Variants in PROM1 observed in about 807,000 individuals in gnomAD.
PROM1 encodes prominin 1.
A neutral mutation model predicts 116.9 loss-of-function variants in PROM1; 105 were observed. The observed-to-expected ratio is 0.90, with a 90% CI of 0.77 to 1.06. The LOEUF is 1.06. Among genes scored for constraint, PROM1 ranks in the 50% least tolerant of loss-of-function variants. The probability of loss-of-function intolerance (pLI) is 0.00; values close to 1 mark genes in which losing one functional copy is unlikely to be tolerated. For synonymous variants in PROM1, 393 were observed against 387.0 expected, an observed-to-expected ratio of 1.02 and a Z score of -0.18; for missense variants, 1,122 against 1,045.2, an observed-to-expected ratio of 1.07 and a Z score of -1.01.
intron 19 of PROM1, 79 bp from the exon 20 acceptor site, chr4:15,987,795 A>C (rs1719841529): frequency 1.7e-6 from 2 of 1,173,278 alleles, no homozygotes; most frequent in Admixed American, 3.9e-5. Flanking sequence ...CCCTTCCCAC[A>C]AGATAGCCAT....
At chr4:16,033,798 C>T (rs577466501) in intron 4 of PROM1, among the ~76,000 whole-genome samples, 1 of 151,896 alleles carries the variant, frequency 6.6e-6, no homozygotes, top group Admixed American at 6.6e-5. Context: ...AATCTACCTG[C>T]CTCAGCCTCC....
At chr4:16,041,781 AATAAATATATAT>A (rs371506521) in intron 2 of PROM1, among the ~76,000 whole-genome samples, 3,347 of 56,146 alleles carry the variant, frequency 0.06, 139 homozygotes, top group African/African-American at 0.23. Flanking sequence ...TAAATAAATA[AATAAATATATAT>A]ATATATATAT....
At chr4:15,982,887 T>C (rs1718333100) in intron 23 of PROM1, among the ~76,000 whole-genome samples, 1 of 152,094 alleles carries the variant, frequency 6.6e-6, no homozygotes, top group Non-Finnish European at 1.5e-5. Flanking sequence ...CACTCAGGCA[T>C]GAAAGACCCT....
chr4:15,971,338 T>A (rs1390823849), intron 26 of PROM1: 1 of 459,760 alleles, frequency 2.2e-6, no homozygotes. Context: ...ATATTCACAA[T>A]CTAAGGTTAA....
At chr4:16,035,010 T>C (rs1467992659) in intron 4 of PROM1, among the ~76,000 whole-genome samples, 1 of 152,262 alleles carries the variant, frequency 6.6e-6, no homozygotes, top group Non-Finnish European at 1.5e-5. Flanking sequence ...CTAGTAAATC[T>C]GGTGCATCTG....
chr4:16,076,962 A>G (rs1744079907), intron 1 of PROM1, among the ~76,000 whole-genome samples: 1 of 152,212 alleles, frequency 6.6e-6, no homozygotes, highest in African/African-American at 2.4e-5. Context: ...GAAGGCCGGA[A>G]GACCGCAGGG....
At chr4:15,989,402 C>T (rs778045753) in intron 19 of PROM1, among the ~76,000 whole-genome samples, 4 of 151,976 alleles carry the variant, frequency 2.6e-5, no homozygotes, top group Non-Finnish European at 5.9e-5. Context: ...AGACAAAGCT[C>T]GGAGAAAAAG....
chr4:15,972,450 C>T (rs1187240765), intron 26 of PROM1, among the ~76,000 whole-genome samples: 1 of 152,174 alleles, frequency 6.6e-6, no homozygotes, highest in East Asian at 1.9e-4. Context: ...GTCGAGCTTC[C>T]TCCTTTTATC....
intron 20 of PROM1, among the ~76,000 whole-genome samples, chr4:15,986,402 C>T (rs1387802458): frequency 6.6e-6 from 1 of 152,024 alleles, no homozygotes; most frequent in Admixed American, 6.6e-5. Flanking sequence ...CTGGGATTTG[C>T]ACCGAACTTT....
chr4:16,079,370 G>A (rs866830438), intron 1 of PROM1: 38 of 152,216 alleles, frequency 2.5e-4, no homozygotes, highest in African/African-American at 8.7e-4. Flanking sequence ...AACTGCAGTT[G>A]CACTTCCAGA....
Position 15,969,369 on chromosome 4 carries a change from CTGAAA to C in PROM1, c.*25-6_*25-2del, listed in dbSNP as rs1713804121. 1 of 152,036 alleles carries C rather than the reference CTGAAA, an allele frequency of 6.6e-6. No individual in the cohort carries two copies. Among genetic ancestry groups the C allele is most frequent in the African/African-American group, 2.4e-5 (1 of 41,340 alleles). 9.4% of individuals were successfully genotyped at this position (152,036 alleles called of 1,614,324 possible). A position where few individuals can be genotyped will look rare whatever the true frequency, so the allele number is the denominator to read the frequency against. Reference sequence around the variant, plus strand: ...CCTTTCCACTTTGAGTATCCTGATGCTGAAATGAAAGTTAAACACAATTTTAGAAA... The same window carrying C: ...CCTTTCCACTTTGAGTATCCTGATGCTGAAAGTTAAACACAATTTTAGAAA... On this transcript the variant is annotated splice_acceptor_variant and splice_polypyrimidine_tract_variant and intron_variant, in intron 27 of 27. Transcript: ENST00000447510. LOFTEE classifies it low-confidence loss of function (3UTR_SPLICE).
intron 11 of PROM1, among the ~76,000 whole-genome samples, chr4:16,011,025 C>G (rs3857149): frequency 0.49 from 74,337 of 151,694 alleles, 18,586 homozygotes; most frequent in African/African-American, 0.58. Flanking sequence ...CTGAGATTTT[C>G]AGAGATGGGG....
At chr4:16,024,471 C>G in intron 6 of PROM1, 113 bp from the exon 7 acceptor site, 1 of 800,886 alleles carries the variant, frequency 1.2e-6, no homozygotes, top group Non-Finnish European at 1.9e-6. Context: ...TTTCAGGTAA[C>G]CAGCAAGTTC....
At chr4:15,991,532 G>C (rs560293919) in intron 17 of PROM1, among the ~76,000 whole-genome samples, 36 of 151,546 alleles carry the variant, frequency 2.4e-4, no homozygotes, top group African/African-American at 8.7e-4. Flanking sequence ...TTATAACATG[G>C]ATGAACAGCA....
chr4:16,017,685 G>A (rs1247521475), intron 9 of PROM1, among the ~76,000 whole-genome samples: 5 of 152,176 alleles, frequency 3.3e-5, no homozygotes, highest in African/African-American at 2.4e-5. Flanking sequence ...GCCAGGCATG[G>A]TGGCGGGTGC....
At chr4:16,018,049 TTC>T (rs1477565323) in intron 9 of PROM1, among the ~76,000 whole-genome samples, 2 of 152,264 alleles carry the variant, frequency 1.3e-5, no homozygotes, top group African/African-American at 4.8e-5. Flanking sequence ...CATGAATATA[TTC>T]TGTTTCCTTT....
At chr4:16,000,879 A>AGGGGCCTG (rs1239548277) in intron 13 of PROM1, among the ~76,000 whole-genome samples, 2 of 122,606 alleles carry the variant, frequency 1.6e-5, no homozygotes, top group African/African-American at 6.3e-5. Flanking sequence ...ATCACTGGAT[A>AGGGGCCTG]GGGGCCTGGG....
In PROM1 at chr4:16,055,519, C is replaced by G. The variant is rs1433815700; in HGVS notation, c.221-16518G>C. 3 of 446,166 alleles carry G rather than the reference C, an allele frequency of 6.7e-6. No individual in the cohort carries two copies. In the East Asian group the frequency reaches 2.1e-4, roughly 31 times the overall value. 27.6% of individuals were successfully genotyped at this position (446,166 alleles called of 1,614,324 possible). On this transcript the variant is annotated intron_variant, in intron 2 of 27. Transcript: ENST00000447510. ...AGATCTCCCCAAACTCACAAATTCC[C>G]TAGAACCAAATAGCCTAATACCAAT...
In PROM1 at chr4:16,016,226, A is replaced by T; in HGVS notation, c.1017T>A (p.Asp339Glu). The T allele has an allele frequency of 3.9e-6, 6 of 1,551,834 alleles. No individual in the cohort carries two copies. Among genetic ancestry groups the T allele is most frequent in the Non-Finnish European group, 5.2e-6 (6 of 1,147,324 alleles). Residue 339 changes from aspartate (D) to glutamate (E), a missense_variant, in exon 10 of 28, where the codon GAT (aspartate) becomes GAA (glutamate). Coordinates refer to ENST00000447510, the MANE Select transcript of PROM1 (RefSeq NM_006017.3). ...CGTTATTAACGTTGTCAAGTTCTGC[A>T]TCCACGGGTGGAAGCTGAAAATTTA... ...NPELRQLPPV[D>E]AELDNVNNVL...
Sources: gnomAD v4.1 joint callset for allele counts (sites outside exome capture counted in the v4.1 genomes callset) on GRCh38, gnomAD v4.1.1 for gene constraint, MANE v1.5 for transcripts, NCBI Gene and HGNC (gene_info 2026-07-23, HGNC 2026-07-21) for gene names.